The following UGCG variants were observed in gnomAD, a reference collection of about 807,000 sequenced individuals.
UGCG encodes the protein UDP-glucose ceramide glucosyltransferase, also known as ceramide glucosyltransferase.
A neutral mutation model predicts 49.5 loss-of-function variants in UGCG; 10 were observed. The ratio of observed to expected loss-of-function variants is 0.20; its 90% confidence interval spans 0.12 to 0.34. The LOEUF is 0.34. Among genes scored for constraint, UGCG ranks in the 10% least tolerant of loss-of-function variants. UGCG has a pLI of 1.00. For missense variants in UGCG, 312 were observed against 483.7 expected (o/e 0.65, Z 3.33); for synonymous variants, 182 against 158.2 (o/e 1.15, Z -1.13).
Position 111,897,252 on chromosome 9 carries a change from G to T in UGCG, c.37G>T (p.Val13Phe). The T allele has an allele frequency of 6.4e-7, 1 of 1,556,704 alleles. No homozygotes were observed. The highest frequency in any genetic ancestry group is 1.4e-5 in the African/African-American group (1 of 73,564). Residue 13 changes from valine to phenylalanine, a missense_variant, in exon 1 of 9, where the codon GTC (valine) becomes TTC (phenylalanine). Around this residue, in one of 4 missense-constraint regions of UGCG, gnomAD observed 65 missense variants for 74.7 expected, o/e 0.87. Transcript: ENST00000374279. ...LLDLALEGMA[V>F]FGFVLFLVLW... is the part of the protein sequence containing the mutation. ...GGACCTGGCCTTGGAGGGAATGGCC[G>T]TCTTCGGGTTCGTCCTCTTCTTGGT... is the stretch of plus-strand genomic sequence containing the variant.
At position 111,928,850 on chromosome 9, in the gene UGCG, C is replaced by T. The variant is rs77907726; in HGVS notation, c.559-650C>T. Among the ~76,000 whole-genome samples, 883 of 152,088 alleles carry T rather than the reference C, an allele frequency of 5.8e-3. 9 individuals carry two copies. In the East Asian group the frequency reaches 0.062, roughly 11 times the overall value. ...TCCTTTTCTACCATTGATTTATCAGCGTATATATCTTATGACTTCAGAGTA... is the reference window on the plus strand; with the variant it reads ...TCCTTTTCTACCATTGATTTATCAGTGTATATATCTTATGACTTCAGAGTA... On this transcript the variant is annotated intron_variant, in intron 5 of 8. Transcript: ENST00000374279.
chr9:111,911,905 G>GATATAT (rs200468304), intron 1 of UGCG, among the ~76,000 whole-genome samples: 5 of 79,086 alleles, frequency 6.3e-5, no homozygotes, highest in Non-Finnish European at 1.3e-4. Context: ...TATTCAACAG[G>GATATAT]ATATATATAT....
chr9:111,926,141 C>A (rs1422283365), intron 4 of UGCG, among the ~76,000 whole-genome samples: 1 of 152,188 alleles, frequency 6.6e-6, no homozygotes, highest in Non-Finnish European at 1.5e-5. Context: ...GCCTCTGGTA[C>A]ATAGTAGGTA....
intron 8 of UGCG, 92 bp downstream of exon 8, chr9:111,932,451 A>AT (rs549915570): frequency 5.2e-5 from 66 of 1,277,972 alleles, no homozygotes; most frequent in Non-Finnish European, 6.8e-5. Context: ...TATCTGAGCC[A>AT]TTCTTCAGCT....
intron 2 of UGCG, chr9:111,915,800 G>A: frequency 1.8e-5 from 18 of 985,162 alleles, no homozygotes; most frequent in Non-Finnish European, 2.2e-5. Flanking sequence ...GAATAGAGAA[G>A]ACACAGATGT....
chr9:111,928,818 A>G (rs781235538), intron 5 of UGCG, among the ~76,000 whole-genome samples: 2 of 152,202 alleles, frequency 1.3e-5, no homozygotes, highest in Non-Finnish European at 2.9e-5. Context: ...AAGTAGGGTA[A>G]TAACAGTCCT....
rs1837680788 is a variant in UGCG at position 111,897,257 on chromosome 9, C to G, written c.42C>G (p.Phe14Leu). The change falls in exon 1 of 9, where the codon TTC (phenylalanine) becomes TTG (leucine). Residue 14 changes from phenylalanine (F) to leucine (L), a missense_variant. Around this residue, in one of 4 missense-constraint regions of UGCG, gnomAD observed 65 missense variants for 74.7 expected, o/e 0.87. Coordinates refer to ENST00000374279, the MANE Select transcript of UGCG (RefSeq NM_003358.3). ...TGGCCTTGGAGGGAATGGCCGTCTT[C>G]GGGTTCGTCCTCTTCTTGGTGCTGT... is the stretch of plus-strand genomic sequence containing the variant. ...LDLALEGMAV[F>L]GFVLFLVLWL... is the part of the protein sequence containing the mutation. The G allele has an allele frequency of 1.3e-6, 2 of 1,557,934 alleles. No homozygotes were observed. Among genetic ancestry groups the G allele is most frequent in the Non-Finnish European group, 1.7e-6 (2 of 1,151,378 alleles).
intron 1 of UGCG, among the ~76,000 whole-genome samples, chr9:111,912,071 T>C (rs555853670): frequency 1.4e-5 from 2 of 137,956 alleles, no homozygotes; most frequent in African/African-American, 5.4e-5. Context: ...AATCAATTAA[T>C]TGTGTAATAT....
At chr9:111,900,646 G>A (rs1837751060) in intron 1 of UGCG, among the ~76,000 whole-genome samples, 1 of 152,052 alleles carries the variant, frequency 6.6e-6, no homozygotes, top group Non-Finnish European at 1.5e-5. Context: ...TGGGACTACA[G>A]GCATGCCTGG....
At chr9:111,912,768 T>C (rs1424259618) in intron 1 of UGCG, among the ~76,000 whole-genome samples, 1 of 152,166 alleles carries the variant, frequency 6.6e-6, no homozygotes, top group African/African-American at 2.4e-5. Flanking sequence ...CAGACCACAC[T>C]TTGAGTAGCA....
chr9:111,929,496 G>A lies in UGCG; in HGVS notation c.559-4G>A, dbSNP rs1385143895. On this transcript the variant is annotated splice_region_variant and splice_polypyrimidine_tract_variant and intron_variant, in intron 5 of 8. Coordinates refer to ENST00000374279, the MANE Select transcript of UGCG (RefSeq NM_003358.3). ...ATCATACACGTTTGTGGTTTTTTGGGCAGGTATATTTTGGAACTTCACATC... is the reference window on the plus strand; with the variant it reads ...ATCATACACGTTTGTGGTTTTTTGGACAGGTATATTTTGGAACTTCACATC... The A allele has an allele frequency of 6.2e-7, 1 of 1,603,418 alleles. No individual in the cohort carries two copies. Among genetic ancestry groups the A allele is most frequent in the Non-Finnish European group, 8.5e-7 (1 of 1,174,974 alleles).
At chr9:111,906,178 C>T (rs534611504) in intron 1 of UGCG, among the ~76,000 whole-genome samples, 1 of 152,114 alleles carries the variant, frequency 6.6e-6, no homozygotes, top group East Asian at 1.9e-4. Flanking sequence ...TGAGATGTCA[C>T]CACTTGATGT....
In UGCG at chr9:111,932,184, G is replaced by C; in HGVS notation, c.839G>C (p.Arg280Pro). The change falls in exon 8 of 9, where the codon CGA becomes CCA. Residue 280 changes from arginine (R) to proline (P), a missense_variant. Around this residue, in one of 4 missense-constraint regions of UGCG, gnomAD observed 180 missense variants for 320.4 expected, o/e 0.56. Coordinates refer to ENST00000374279, the MANE Select transcript of UGCG (RefSeq NM_003358.3). ...QSRMIRWTKLRINMLPATIIC... is the reference protein window; with the variant it reads ...QSRMIRWTKLPINMLPATIIC... ...TGTTTTTCCAGGTGGACCAAACTAC[G>C]AATTAACATGCTTCCTGCTACAATA... 6.2e-7 allele frequency: 1 copy of C among 1,613,864 alleles called. No homozygotes were observed. The highest frequency in any genetic ancestry group is 8.5e-7 in the Non-Finnish European group (1 of 1,179,886).
chr9:111,932,314 C>T lies in UGCG; in HGVS notation c.969C>T (p.Cys323=). 6.2e-7 allele frequency: 1 copy of T among 1,614,054 alleles called. No homozygotes were observed. The highest frequency in any genetic ancestry group is 8.5e-7 in the Non-Finnish European group (1 of 1,180,018). ...TTATGGTATTTTTCATGTGTCATTG[C>T]CTGGCATGGTTTATATTTGACTACA... The part of the protein sequence containing the change: ...WDIMVFFMCH[C]LAWFIFDYIQ... The change falls in exon 8 of 9, where the codon TGC becomes TGT. Residue 323 remains cysteine (C), a synonymous_variant. Transcript: ENST00000374279.
Position 111,924,853 on chromosome 9 carries a change from A to T in UGCG, c.420A>T (p.Ile140=). ...PGYEVAKYDL[I]WICDSGIRVI... ...ATGAAGTTGCAAAGTATGATCTTAT[A>T]TGGATTTGTGATAGTGGAATAAGAG... Residue 140 remains isoleucine (I), a synonymous_variant, in exon 4 of 9, where the codon ATA becomes ATT. Transcript: ENST00000374279. 1 of 1,522,972 alleles carries T rather than the reference A, an allele frequency of 6.6e-7. No individual in the cohort carries two copies. The highest frequency in any genetic ancestry group is 8.8e-7 in the Non-Finnish European group (1 of 1,141,786). The allele number at this position is 1,522,972 out of a possible 1,614,324, so 94.3% of individuals were successfully genotyped here.
At chr9:111,920,850 A>G (rs1046563279) in intron 2 of UGCG, among the ~76,000 whole-genome samples, 13 of 152,038 alleles carry the variant, frequency 8.6e-5, no homozygotes, top group African/African-American at 2.9e-4. Context: ...TTTCATGGAC[A>G]TAATTAACCT....
chr9:111,923,361 G>T (rs62570265), intron 3 of UGCG, among the ~76,000 whole-genome samples: 1 of 132,754 alleles, frequency 7.5e-6, no homozygotes, highest in Non-Finnish European at 1.6e-5. Flanking sequence ...TTTGCCATTA[G>T]TGTTTTTTTT....
At chr9:111,899,297 T>C (rs533853298) in intron 1 of UGCG, among the ~76,000 whole-genome samples, 1 of 152,250 alleles carries the variant, frequency 6.6e-6, no homozygotes, top group East Asian at 1.9e-4. Flanking sequence ...ATATTCACAG[T>C]CCTGGTAACA....
chr9:111,929,072 G>A (rs1838374755), intron 5 of UGCG, among the ~76,000 whole-genome samples: 1 of 141,216 alleles, frequency 7.1e-6, no homozygotes, highest in South Asian at 2.3e-4. Flanking sequence ...CAAAAAAATA[G>A]GATTGTCCCG....
Sources: gnomAD v4.1 joint callset for allele counts (sites outside exome capture counted in the v4.1 genomes callset) on GRCh38, gnomAD v4.1.1 for gene constraint, gnomAD v4.1.1 regional missense constraint, MANE v1.5 for transcripts, NCBI Gene and HGNC (gene_info 2026-07-23, HGNC 2026-07-21) for gene names.